Variants in ADGRG4 observed in about 807,000 individuals in gnomAD.
The protein encoded by ADGRG4 is adhesion G protein-coupled receptor G4, also known as G protein-coupled receptor 112.
In ADGRG4, 122 loss-of-function variants were observed where a neutral mutation model predicts 126.2. The ratio of observed to expected loss-of-function variants is 0.97; its 90% confidence interval spans 0.83 to 1.12. The LOEUF is 1.12. ADGRG4 is among the 50% of genes most tolerant of loss of function. The pLI is 0.00. For synonymous variants in ADGRG4, 943 were observed against 838.7 expected, an observed-to-expected ratio of 1.12 and a Z score of -2.15; for missense variants, 2,481 against 2,251.8, an observed-to-expected ratio of 1.10 and a Z score of -2.06.
intron 15 of ADGRG4, among the ~76,000 whole-genome samples, chrX:136,378,063 T>C (rs1009130714): frequency 4.5e-5 from 5 of 111,345 alleles, no homozygotes; most frequent in African/African-American, 1.6e-4. Context: ...TATTGGTCAA[T>C]TTTGGGAGAA....
Position 136,414,217 on chromosome X carries a change from T to C in ADGRG4, c.9095T>C (p.Ile3032Thr). Residue 3032 changes from isoleucine (I) to threonine (T), a missense_variant, in exon 25 of 26, where the codon ATC becomes ACC. Ile to Thr is a moderately conservative substitution (Grantham distance 89). Coordinates refer to ENST00000394143, the MANE Select transcript of ADGRG4 (RefSeq NM_153834.4). ...VGYKQEGLKK[I>T]FEHKLLTPSL... ...TATAAACAGGAGGGACTAAAGAAAA[T>C]CTTTGAGCACAAACTGTTGACGCCA... 1 of 1,206,149 alleles carries C rather than the reference T, an allele frequency of 8.3e-7. No individual in the cohort carries two copies. The highest frequency in any genetic ancestry group is 1.1e-6 in the Non-Finnish European group (1 of 891,102).
At position 136,405,961 on chromosome X, in the gene ADGRG4, A is replaced by T. The variant is rs2148500271; in HGVS notation, c.8924A>T (p.Asn2975Ile). The change falls in exon 23 of 26, where the codon AAC becomes ATC. Residue 2975 changes from asparagine (N) to isoleucine (I), a missense_variant. By Grantham distance (149) the Asn-to-Ile change is moderately radical (BLOSUM62 -3). Coordinates refer to ENST00000394143, the MANE Select transcript of ADGRG4 (RefSeq NM_153834.4). ...TTCTTGTATTTGTTTGCCATTTTTA[A>T]CACTTTGCAAGGTAACTGGTGCTTT... ...NFFLYLFAIF[N>I]TLQGFFIFVF... 1 of 1,124,246 alleles carries T rather than the reference A, an allele frequency of 8.9e-7. No homozygotes were observed. Among genetic ancestry groups the T allele is most frequent in the East Asian group, 3.1e-5 (1 of 31,811 alleles). 92.7% of individuals were successfully genotyped at this position (1,124,246 alleles called of 1,213,427 possible).
intron 20 of ADGRG4, among the ~76,000 whole-genome samples, chrX:136,398,289 T>C (rs1474188246): frequency 8.9e-6 from 1 of 112,297 alleles, no homozygotes; most frequent in Admixed American, 9.4e-5. Context: ...AGAACTTCTT[T>C]AATCAAAAGA....
At position 136,345,878 on chromosome X, in the gene ADGRG4, T is replaced by G; in HGVS notation, c.2172T>G (p.Tyr724Ter). The change falls in exon 6 of 26, where the codon TAT (tyrosine) becomes TAG (stop). Residue 724 changes from tyrosine to a stop codon, truncating the protein, a stop_gained. Transcript: ENST00000394143. LOFTEE classifies it high-confidence loss of function. ...TTANDATTARYTTAVSKLTSP... is the reference protein window; with the variant it reads ...TTANDATTAR The stretch of plus-strand genomic sequence containing the variant: ...CCAATGATGCTACTACAGCCAGATA[T>G]ACAACAGCTGTATCCAAATTGACAT... 1 of 1,209,961 alleles carries G rather than the reference T, an allele frequency of 8.3e-7. No individual in the cohort carries two copies. Among genetic ancestry groups the G allele is most frequent in the Non-Finnish European group, 1.1e-6 (1 of 893,888 alleles).
rs988943889 is a variant in ADGRG4, at chrX:136,364,342, A to G, written c.7396+747A>G. Among the ~76,000 whole-genome samples, 4 of 111,524 alleles carry G rather than the reference A, an allele frequency of 3.6e-5. No homozygotes were observed. In the East Asian group the frequency reaches 1.1e-3, roughly 31 times the overall value. On this transcript the variant is annotated intron_variant, in intron 13 of 25. Transcript: ENST00000394143. ...GTATGTGTATATTGTATACACACATATACTTGCCCTCACTTTTTGTACACA... is the reference window on the plus strand; with the variant it reads ...GTATGTGTATATTGTATACACACATGTACTTGCCCTCACTTTTTGTACACA...
chrX:136,352,263 A>G (rs1159557604), intron 7 of ADGRG4, among the ~76,000 whole-genome samples: 2 of 111,926 alleles, frequency 1.8e-5, no homozygotes, highest in Non-Finnish European at 3.8e-5. Context: ...GTAAATATAA[A>G]TCATACACTT....
rs1016647267 is a variant in ADGRG4 at position 136,392,234 on chromosome X, CA to C, written c.7919del (p.Asn2640MetfsTer6). 1 of 1,154,496 alleles carries C rather than the reference CA, an allele frequency of 8.7e-7. No homozygotes were observed. The highest frequency in any genetic ancestry group is 1.2e-6 in the Non-Finnish European group (1 of 863,070). On this transcript the variant is annotated frameshift_variant, in exon 17 of 26. Coordinates refer to ENST00000394143, the MANE Select transcript of ADGRG4 (RefSeq NM_153834.4). LOFTEE classifies it high-confidence loss of function. Reference protein sequence around the residue: ...FFGQTSLFKTKNVTKALTTYV... With the variant: ...FFGQTSLFKTXNVTKALTTYV... ...CTCCTCTTTTGTTTCATCTGCAGACCAAAAATGTCACTAAAGCATTAACCAC... is the reference window on the plus strand; with the variant it reads ...CTCCTCTTTTGTTTCATCTGCAGACCAAAATGTCACTAAAGCATTAACCAC...
At chrX:136,359,558 A>T in intron 11 of ADGRG4, 103 bp downstream of exon 11, 1 of 651,700 alleles carries the variant, frequency 1.5e-6, no homozygotes, top group Non-Finnish European at 2.3e-6. Flanking sequence ...GAAAGGAGAG[A>T]AGTCATCTTT....
In ADGRG4 at chrX:136,345,659, C is replaced by A; in HGVS notation, c.1953C>A (p.Ser651Arg). The change falls in exon 6 of 26, where the codon AGC becomes AGA. Residue 651 changes from serine (S) to arginine (R), a missense_variant. Coordinates refer to ENST00000394143, the MANE Select transcript of ADGRG4 (RefSeq NM_153834.4). ...TTDEAAHLFS[S>R]NETIWTSRPD... ...ATGAAGCTGCCCATCTGTTCTCCAGCAATGAGACCATTTGGACTTCTAGGC... is the reference window on the plus strand; with the variant it reads ...ATGAAGCTGCCCATCTGTTCTCCAGAAATGAGACCATTTGGACTTCTAGGC... The A allele has an allele frequency of 8.3e-7, 1 of 1,210,448 alleles. No individual in the cohort carries two copies. Among genetic ancestry groups the A allele is most frequent in the Non-Finnish European group, 1.1e-6 (1 of 894,370 alleles).
chrX:136,399,753 T>A (rs2148496664), intron 20 of ADGRG4, 95 bp from the exon 21 acceptor site: 1 of 773,284 alleles, frequency 1.3e-6, no homozygotes. Context: ...GTAATTCTTT[T>A]ATTCTTTCAC....
At chrX:136,324,231 A>G (rs1472682993) in intron 5 of ADGRG4, among the ~76,000 whole-genome samples, 3 of 111,596 alleles carry the variant, frequency 2.7e-5, no homozygotes, top group Non-Finnish European at 5.6e-5. Context: ...TTTGGAGGTT[A>G]TGTAACTATC....
chrX:136,302,800 T>A (rs1381161368), intron 1 of ADGRG4, among the ~76,000 whole-genome samples: 1 of 111,775 alleles, frequency 8.9e-6, no homozygotes, highest in East Asian at 2.8e-4. Context: ...CCAGGTAGTG[T>A]TTTAAGTGCT....
At chrX:136,364,093 G>A (rs751787086) in intron 13 of ADGRG4, among the ~76,000 whole-genome samples, 1 of 110,987 alleles carries the variant, frequency 9.0e-6, no homozygotes, top group South Asian at 3.9e-4. Flanking sequence ...TTACAGGTGT[G>A]AGCCACCGCG....
At chrX:136,338,196 C>T (rs1247214036) in intron 5 of ADGRG4, among the ~76,000 whole-genome samples, 6 of 106,372 alleles carry the variant, frequency 5.6e-5, no homozygotes, top group Middle Eastern at 9.4e-3. Flanking sequence ...CTCGTTCTGT[C>T]GCCCAGGCTG....
chrX:136,391,257 G>A (rs140975665), intron 16 of ADGRG4, among the ~76,000 whole-genome samples: 5,621 of 110,761 alleles, frequency 0.051, 143 homozygotes, highest in Non-Finnish European at 0.079. Context: ...CTTTTGTGGG[G>A]AAGTCCTCAG....
chrX:136,383,869 T>TC (rs1569333947), intron 15 of ADGRG4, among the ~76,000 whole-genome samples: 10 of 53,577 alleles, frequency 1.9e-4, no homozygotes, highest in African/African-American at 2.6e-4. Flanking sequence ...TTTCTTTCTT[T>TC]CTTTCTTCTT....
At chrX:136,408,072 T>C (rs1375305398) in intron 23 of ADGRG4, among the ~76,000 whole-genome samples, 2 of 111,877 alleles carry the variant, frequency 1.8e-5, no homozygotes, top group East Asian at 5.6e-4. Context: ...AAAGGAAAGC[T>C]GGCAAAAGAT....
intron 15 of ADGRG4, among the ~76,000 whole-genome samples, chrX:136,380,601 CTCCTCTTCTTCTTCT>C (rs1396437102): frequency 8.3e-5 from 5 of 60,180 alleles, no homozygotes; most frequent in South Asian, 8.5e-4. Context: ...CCTCCTCCTC[CTCCTCTTCTTCTTCT>C]TCTTCTTCTT....
chrX:136,338,419 A>G (rs1438054513), intron 5 of ADGRG4, among the ~76,000 whole-genome samples: 1 of 111,093 alleles, frequency 9.0e-6, no homozygotes, highest in Admixed American at 9.6e-5. Context: ...AAGTGCTGGG[A>G]TTACAGGCAT....
Sources: gnomAD v4.1 joint callset for allele counts (sites outside exome capture counted in the v4.1 genomes callset) on GRCh38, gnomAD v4.1.1 for gene constraint, MANE v1.5 for transcripts, NCBI Gene and HGNC (gene_info 2026-07-23, HGNC 2026-07-21) for gene names.